The following TNC variants were observed in gnomAD, a reference collection of about 807,000 sequenced individuals.
The protein encoded by TNC is tenascin.
In TNC, 109 loss-of-function variants were observed where a neutral mutation model predicts 202.4. That is an observed-to-expected ratio of 0.54 (90% CI 0.46 to 0.63). The LOEUF (loss-of-function observed/expected upper bound fraction) is 0.63, where lower values mean the gene tolerates loss of function less well. Among genes scored for constraint, TNC ranks in the 30% least tolerant of loss-of-function variants. TNC has a pLI of 0.00. For synonymous variants in TNC, 1,007 were observed against 1,089.7 expected (o/e 0.92, Z 1.50); for missense variants, 2,756 against 2,833.3 (o/e 0.97, Z 0.62).
At chr9:115,054,371 A>T (rs1831935393) in intron 15 of TNC, among the ~76,000 whole-genome samples, 1 of 152,256 alleles carries the variant, frequency 6.6e-6, no homozygotes, top group Admixed American at 6.5e-5. Flanking sequence ...TAACAATGCA[A>T]TCATTTGCAG....
At chr9:115,053,078 T>C in intron 15 of TNC, 2 of 662,188 alleles carry the variant, frequency 3.0e-6, no homozygotes, top group Non-Finnish European at 5.5e-6. Flanking sequence ...AGTGGATTTT[T>C]CCAGAATGTA....
At chr9:115,087,826 T>C (rs971059274) in intron 2 of TNC, among the ~76,000 whole-genome samples, 3 of 151,146 alleles carry the variant, frequency 2.0e-5, no homozygotes, top group African/African-American at 7.3e-5. Context: ...CTCAGCCTCC[T>C]GAGTAGCTGG....
chr9:115,026,056 A>C lies in TNC; in HGVS notation c.6331+478T>G, dbSNP rs1829452846. ...CTGTGGTCCACAGACCAGCAACACCAGCTATATTGGCATCACCAGGGAACT... is the reference window on the plus strand; with the variant it reads ...CTGTGGTCCACAGACCAGCAACACCCGCTATATTGGCATCACCAGGGAACT... On this transcript the variant is annotated intron_variant, in intron 26 of 27. Coordinates refer to ENST00000350763, the MANE Select transcript of TNC (RefSeq NM_002160.4). Among the ~76,000 whole-genome samples, 2 of 152,226 alleles carry C rather than the reference A, an allele frequency of 1.3e-5. 1 individual carries two copies. The highest frequency in any genetic ancestry group is 4.1e-4 in the South Asian group (2 of 4,832).
intron 1 of TNC, among the ~76,000 whole-genome samples, chr9:115,107,415 A>C (rs1836701719): frequency 6.6e-6 from 1 of 152,216 alleles, no homozygotes; most frequent in Non-Finnish European, 1.5e-5. Flanking sequence ...TCAATAAATG[A>C]CAGCTTCTAT....
At chr9:115,098,472 G>C (rs748009322) in intron 1 of TNC, among the ~76,000 whole-genome samples, 1 of 152,174 alleles carries the variant, frequency 6.6e-6, no homozygotes, top group Non-Finnish European at 1.5e-5. Context: ...ATTGCTAGAC[G>C]AAGAAATCAA....
rs1403433703 is a variant in TNC at position 115,046,657 on chromosome 9, A to T, written c.4878T>A (p.Leu1626=). 6.2e-7 allele frequency: 1 copy of T among 1,613,290 alleles called. No homozygotes were observed. The highest frequency in any genetic ancestry group is 1.3e-5 in the African/African-American group (1 of 74,890). ...CGTCTGGGGTGGCATCTGAAACCAG[A>T]AGGTTGTCAACTTCCGGTTCGGCTT... ...VTEAEPEVDN[L]LVSDATPDGF... Residue 1626 remains leucine (L), a synonymous_variant, in exon 17 of 28, where the codon CTT becomes CTA. Coordinates refer to ENST00000350763, the MANE Select transcript of TNC (RefSeq NM_002160.4).
At chr9:115,037,237 C>G (rs1271152246) in intron 20 of TNC, among the ~76,000 whole-genome samples, 2 of 152,186 alleles carry the variant, frequency 1.3e-5, no homozygotes, top group African/African-American at 4.8e-5. Flanking sequence ...GACGCTGGTG[C>G]CTGCTCATAT....
At chr9:115,063,431 T>C (rs1186626616) in intron 12 of TNC, among the ~76,000 whole-genome samples, 1 of 152,202 alleles carries the variant, frequency 6.6e-6, no homozygotes, top group East Asian at 1.9e-4. Context: ...ATTCTTGACA[T>C]ACAAATAGGG....
chr9:115,100,054 G>A (rs1451573109), intron 1 of TNC, among the ~76,000 whole-genome samples: 1 of 152,204 alleles, frequency 6.6e-6, no homozygotes, highest in Non-Finnish European at 1.5e-5. Flanking sequence ...CCCTGGCCAA[G>A]GTTCCTCAGG....
intron 1 of TNC, among the ~76,000 whole-genome samples, chr9:115,098,936 G>GTTTTTTTTT (rs1227896909): frequency 2.4e-5 from 1 of 40,942 alleles, no homozygotes; most frequent in African/African-American, 8.5e-5. Context: ...CCTTAAGTGT[G>GTTTTTTTTT]TATTTTTTTT....
rs140124325 is a variant in TNC, at chr9:115,059,815, G to C, written c.4221C>G (p.Leu1407=). ...GSLRAVDIPG[L]EAATPYRVSI... ...AGACTCTATAAGGCGTGGCAGCCTC[G>C]AGGCCCGGGATGTCCACAGCCCTGA... The change falls in exon 14 of 28, where the codon CTC becomes CTG. Residue 1407 remains leucine (L), a synonymous_variant. Coordinates refer to ENST00000350763, the MANE Select transcript of TNC (RefSeq NM_002160.4). The C allele has an allele frequency of 1.9e-6, 3 of 1,613,762 alleles. No individual in the cohort carries two copies. The highest frequency in any genetic ancestry group is 1.7e-5 in the Admixed American group (1 of 59,996).
At chr9:115,115,853 A>G (rs1189261685) in intron 1 of TNC, among the ~76,000 whole-genome samples, 1 of 152,220 alleles carries the variant, frequency 6.6e-6, no homozygotes, top group Admixed American at 6.5e-5. Context: ...CACTTCAACC[A>G]AAGCAGCCCT....
chr9:115,070,296 A>G (rs550806080), intron 10 of TNC, among the ~76,000 whole-genome samples: 1 of 152,152 alleles, frequency 6.6e-6, no homozygotes, highest in African/African-American at 2.4e-5. Flanking sequence ...GAAATGAGGG[A>G]GCACGCTCTG....
chr9:115,082,679 T>C lies in TNC; in HGVS notation c.2247+13A>G. 4.5e-6 allele frequency: 7 copies of C among 1,570,190 alleles called. No individual in the cohort carries two copies. Among genetic ancestry groups the C allele is most frequent in the Non-Finnish European group, 6.1e-6 (7 of 1,139,960 alleles). ...CTTGAGATCAAATGGATCTGCTCTT[T>C]TGTACTCCTTACCATATTCCGGAAG... On this transcript the variant is annotated intron_variant, in intron 5 of 27. Transcript: ENST00000350763.
At chr9:115,114,316 G>C (rs558129464) in intron 1 of TNC, among the ~76,000 whole-genome samples, 3 of 152,074 alleles carry the variant, frequency 2.0e-5, no homozygotes, top group African/African-American at 7.2e-5. Flanking sequence ...TTTGTGGCTC[G>C]GAGCCTACAA....
At chr9:115,047,240 C>CTT (rs397975455) in intron 16 of TNC, among the ~76,000 whole-genome samples, 19,398 of 106,740 alleles carry the variant, frequency 0.18, 1,999 homozygotes, top group South Asian at 0.25. Flanking sequence ...CTACCCTTGA[C>CTT]TTTTTTTTTT....
At chr9:115,047,419 A>C (rs542559286) in intron 16 of TNC, among the ~76,000 whole-genome samples, 1 of 152,268 alleles carries the variant, frequency 6.6e-6, no homozygotes, top group East Asian at 1.9e-4. Flanking sequence ...TGAGTTTCCC[A>C]AAGTGTGCTC....
At chr9:115,030,156 G>T in intron 24 of TNC, 98 bp downstream of exon 24, 2 of 1,271,216 alleles carry the variant, frequency 1.6e-6, no homozygotes, top group South Asian at 1.8e-5. Flanking sequence ...GGGGGTGTCA[G>T]AGTGCATCAG....
intron 16 of TNC, 90 bp from the exon 17 acceptor site, chr9:115,046,772 G>A (rs1831234939): frequency 2.8e-6 from 4 of 1,427,624 alleles, no homozygotes; most frequent in Non-Finnish European, 3.8e-6. Context: ...GTATCAATAT[G>A]TAGTGATGCC....
Sources: allele counts gnomAD v4.1 joint callset (sites outside exome capture counted in the v4.1 genomes callset), GRCh38; gene constraint gnomAD v4.1.1; transcripts MANE v1.5; gene names NCBI Gene and HGNC (gene_info 2026-07-23, HGNC 2026-07-21).